The following SLC25A32 variants were observed in gnomAD, a reference collection of about 807,000 sequenced individuals.
The protein encoded by SLC25A32 is Glycine auxotroph B, complementation of hamster.
SLC25A32 carries 32 observed loss-of-function variants against 39.0 expected under a neutral mutation model. The observed-to-expected ratio is 0.82, with a 90% CI of 0.62 to 1.10. The LOEUF is 1.10. Among genes scored for constraint, SLC25A32 ranks in the 50% least tolerant of loss-of-function variants. The pLI, the probability that SLC25A32 is intolerant of heterozygous loss-of-function variation, is 0.00. For synonymous variants in SLC25A32, 166 were observed against 152.4 expected (o/e 1.09, Z -0.66); for missense variants, 367 against 395.3 (o/e 0.93, Z 0.61).
At chr8:103,411,040 C>T (rs1326394601) in intron 1 of SLC25A32, among the ~76,000 whole-genome samples, 2 of 152,102 alleles carry the variant, frequency 1.3e-5, no homozygotes, top group Non-Finnish European at 2.9e-5. Context: ...AACAGATTGC[C>T]AGTATCTTTT....
chr8:103,412,043 C>T (rs771028523), intron 1 of SLC25A32, among the ~76,000 whole-genome samples: 3 of 152,166 alleles, frequency 2.0e-5, no homozygotes, highest in African/African-American at 7.2e-5. Context: ...TGCTCTGTGC[C>T]TGAGTTTTTC....
rs3134256 is a variant in SLC25A32, at chr8:103,408,040, C to T, written c.155-256G>A. 2.4e-4 allele frequency among the ~76,000 whole-genome samples: 36 copies of T among 150,356 alleles called. No individual in the cohort carries two copies. In the East Asian group the frequency reaches 3.9e-3, roughly 16 times the overall value. On this transcript the variant is annotated intron_variant, in intron 1 of 6. Coordinates refer to ENST00000297578, the MANE Select transcript of SLC25A32 (RefSeq NM_030780.5). Reference sequence around the variant, plus strand: ...TTGCCCCGGCTGGAGTGCAGTGGCACGATCTTGGCTCACTGCAATCTCCGC... The same window carrying T: ...TTGCCCCGGCTGGAGTGCAGTGGCATGATCTTGGCTCACTGCAATCTCCGC...
intron 4 of SLC25A32, 188 bp from the exon 5 acceptor site, chr8:103,402,242 A>C (rs1296864533): frequency 2.2e-6 from 1 of 451,064 alleles, no homozygotes; most frequent in East Asian, 3.7e-5. Context: ...ATTCTCTTCT[A>C]CTTTATTTTT....
Position 103,403,035 on chromosome 8 carries a change from C to T in SLC25A32, c.552+129G>A, listed in dbSNP as rs1192412788. On this transcript the variant is annotated intron_variant, in intron 4 of 6. Coordinates refer to ENST00000297578, the MANE Select transcript of SLC25A32 (RefSeq NM_030780.5). ...GTATTATTAACTATATTTCAGTTTT[C>T]ATTAAATTGTTTTTTGCCTAAGTGT... The T allele has an allele frequency of 7.2e-6, 4 of 557,408 alleles. No homozygotes were observed. The South Asian group carries it at 1.3e-4, about 19-fold the overall frequency. The allele number at this position is 557,408 out of a possible 1,614,324, so 34.5% of individuals were successfully genotyped here. A position where few individuals can be genotyped will look rare whatever the true frequency, so the allele number is the denominator to read the frequency against.
Position 103,413,817 on chromosome 8 carries a change from C to A in SLC25A32, c.154+967G>T, listed in dbSNP as rs3134292. Reference sequence around the variant, plus strand: ...CCCCAAGCCCCAATCTTCCACTGAACCTTAAAGATACACATGGCCATCAGT... The same window carrying A: ...CCCCAAGCCCCAATCTTCCACTGAAACTTAAAGATACACATGGCCATCAGT... On this transcript the variant is annotated intron_variant, in intron 1 of 6. Transcript: ENST00000297578. Among the ~76,000 whole-genome samples the A allele has an allele frequency of 0.22, 33,635 of 152,158 alleles. 3,836 individuals are homozygous for A. Among genetic ancestry groups the A allele is most frequent in the East Asian group, 0.34 (1,767 of 5,172 alleles).
chr8:103,400,698 A>G, intron 6 of SLC25A32, 152 bp from the exon 7 acceptor site: 1 of 791,656 alleles, frequency 1.3e-6, no homozygotes, highest in Non-Finnish European at 2.0e-6. Flanking sequence ...AATGTAGTTT[A>G]TAAGCCATCT....
chr8:103,400,763 C>T (rs1346383325), intron 6 of SLC25A32, among the ~76,000 whole-genome samples: 3 of 152,044 alleles, frequency 2.0e-5, no homozygotes, highest in African/African-American at 7.3e-5. Context: ...GTAGGGACAC[C>T]TCAAAACTGA....
At chr8:103,405,041 C>A (rs1040883992) in intron 2 of SLC25A32, among the ~76,000 whole-genome samples, 180 bp from the exon 3 acceptor site, 1 of 152,070 alleles carries the variant, frequency 6.6e-6, no homozygotes, top group Admixed American at 6.5e-5. Flanking sequence ...TTATACCACC[C>A]CTCCCTCTCA....
intron 1 of SLC25A32, among the ~76,000 whole-genome samples, chr8:103,412,011 A>G (rs1816477560): frequency 6.6e-6 from 1 of 152,258 alleles, no homozygotes; most frequent in African/African-American, 2.4e-5. Context: ...ATTACTTTGC[A>G]ACCCTGAGTA....
Position 103,401,510 on chromosome 8 carries a change from T to C in SLC25A32, c.812+6A>G. On this transcript the variant is annotated splice_donor_region_variant and intron_variant, in intron 6 of 6. Coordinates refer to ENST00000297578, the MANE Select transcript of SLC25A32 (RefSeq NM_030780.5). ...AAGCAATTTTTGATATAGCACGTGC[T>C]CTCACCTCCATGTCTTTGTGATTAC... 1 of 1,611,570 alleles carries C rather than the reference T, an allele frequency of 6.2e-7. No individual in the cohort carries two copies. Among genetic ancestry groups the C allele is most frequent in the Admixed American group, 1.7e-5 (1 of 59,498 alleles).
chr8:103,404,857 T>C lies in SLC25A32; in HGVS notation c.310A>G (p.Asn104Asp), dbSNP rs1816295119. Reference protein sequence around the residue: ...LSWGLYFFFYNAIKSYKTEGR... With the variant: ...LSWGLYFFFYDAIKSYKTEGR... ...TCTGTTTTATATGACTTGATGGCATTGTAACTAAAAGAATTAAATGTGAGC... is the reference window on the plus strand; with the variant it reads ...TCTGTTTTATATGACTTGATGGCATCGTAACTAAAAGAATTAAATGTGAGC... Residue 104 changes from asparagine to aspartate, a missense_variant, in exon 3 of 7, where the codon AAT becomes GAT. By Grantham distance (23) the Asn-to-Asp change is conservative. Transcript: ENST00000297578. The C allele has an allele frequency of 1.9e-6, 3 of 1,606,526 alleles. No individual in the cohort carries two copies. The highest frequency in any genetic ancestry group is 4.5e-5 in the East Asian group (2 of 44,832).
chr8:103,414,681 C>T, intron 1 of SLC25A32, 103 bp downstream of exon 1: 1 of 1,511,318 alleles, frequency 6.6e-7, no homozygotes, highest in South Asian at 1.2e-5. Flanking sequence ...GACAGCAACG[C>T]TCCCTTCAAC....
chr8:103,415,037 C>T lies in SLC25A32; in HGVS notation c.-100G>A, dbSNP rs543197401. 19 of 1,594,066 alleles carry T rather than the reference C, an allele frequency of 1.2e-5. No homozygotes were observed. In the South Asian group the frequency reaches 1.9e-4, roughly 16 times the overall value. On this transcript the variant is annotated 5_prime_UTR_variant, in exon 1 of 7. Transcript: ENST00000297578. ...CGACGGTCGCCCCTTGTGAGCGCAA[C>T]CCCACCTCCGGGACCAACGAGAGGA... is the stretch of plus-strand genomic sequence containing the variant.
At chr8:103,407,832 T>A in intron 1 of SLC25A32, 48 bp from the exon 2 acceptor site, 1 of 1,538,612 alleles carries the variant, frequency 6.5e-7, no homozygotes, top group Non-Finnish European at 8.9e-7. Flanking sequence ...GTTCTAGCTC[T>A]GTATCACATA....
chr8:103,401,870 C>A lies in SLC25A32; in HGVS notation c.666+71G>T, dbSNP rs982957978. On this transcript the variant is annotated intron_variant, in intron 5 of 6. Transcript: ENST00000297578. ...ATCATAGCACTACCACCAAAGTAAGCATGACAAAAATTTCTACCTATTAAA... is the reference window on the plus strand; with the variant it reads ...ATCATAGCACTACCACCAAAGTAAGAATGACAAAAATTTCTACCTATTAAA... 12 of 1,283,066 alleles carry A rather than the reference C, an allele frequency of 9.4e-6. No homozygotes were observed. In the Admixed American group the frequency reaches 2.5e-4, roughly 26 times the overall value. 79.5% of individuals were successfully genotyped at this position (1,283,066 alleles called of 1,614,324 possible). A position where few individuals can be genotyped will look rare whatever the true frequency, so the allele number is the denominator to read the frequency against.
Position 103,414,980 on chromosome 8 carries a change from G to T in SLC25A32, c.-43C>A. On this transcript the variant is annotated 5_prime_UTR_variant, in exon 1 of 7. Coordinates refer to ENST00000297578, the MANE Select transcript of SLC25A32 (RefSeq NM_030780.5). ...ACACCACGGCGCCCAGGGCCGCGGA[G>T]GTGGGACGCGATGCAGTGGCCGCCA... 1 of 1,580,918 alleles carries T rather than the reference G, an allele frequency of 6.3e-7. No homozygotes were observed. The highest frequency in any genetic ancestry group is 8.6e-7 in the Non-Finnish European group (1 of 1,163,216).
chr8:103,402,995 TA>T (rs1428242891), intron 4 of SLC25A32, among the ~76,000 whole-genome samples, 168 bp downstream of exon 4: 1 of 152,204 alleles, frequency 6.6e-6, no homozygotes, highest in Admixed American at 6.5e-5. Context: ...ACAAACAGCT[TA>T]AAGTACAATT....
chr8:103,403,383 C>G, intron 3 of SLC25A32, 59 bp from the exon 4 acceptor site: 1 of 918,196 alleles, frequency 1.1e-6, no homozygotes, highest in Non-Finnish European at 1.5e-6. Flanking sequence ...CTTATGACAA[C>G]CCAAATTAGA....
rs1406174596 is a variant in SLC25A32, at chr8:103,402,037, C to T, written c.570G>A (p.Leu190=). 1 of 1,611,946 alleles carries T rather than the reference C, an allele frequency of 6.2e-7. No individual in the cohort carries two copies. Among genetic ancestry groups the T allele is most frequent in the Non-Finnish European group, 8.5e-7 (1 of 1,178,948 alleles). ...RGLYKGFVPG[L]FGTSHGALQF... is the part of the protein sequence containing the mutation. ...GAAGGGCACCATGCGATGTTCCAAACAGCCCAGGAACAAATCCCTACAAGG... is the reference window on the plus strand; with the variant it reads ...GAAGGGCACCATGCGATGTTCCAAATAGCCCAGGAACAAATCCCTACAAGG... Residue 190 remains leucine (L), a synonymous_variant, in exon 5 of 7, where the codon CTG becomes CTA. Coordinates refer to ENST00000297578, the MANE Select transcript of SLC25A32 (RefSeq NM_030780.5).
Sources: allele counts gnomAD v4.1 joint callset (sites outside exome capture counted in the v4.1 genomes callset), GRCh38; gene constraint gnomAD v4.1.1; transcripts MANE v1.5; gene names NCBI Gene and HGNC (gene_info 2026-07-23, HGNC 2026-07-21).